NRG1: variants seen among roughly 807,000 people sequenced by gnomAD.
The protein encoded by NRG1 is pro-neuregulin-1, membrane-bound isoform.
In NRG1, 18 loss-of-function variants were observed where a neutral mutation model predicts 63.8. The ratio of observed to expected loss-of-function variants is 0.28; its 90% CI spans 0.19 to 0.42. NRG1 has a LOEUF of 0.42. Ranked by LOEUF, NRG1 falls within the 10% of genes least tolerant of loss-of-function variation. The pLI is 1.00. For missense variants in NRG1, 762 were observed against 814.7 expected, an observed-to-expected ratio of 0.94 and a Z score of 0.79; for synonymous variants, 302 against 301.3, an observed-to-expected ratio of 1.00 and a Z score of -0.02.
chr8:31,912,351 T>C (rs531753288), intron 1 of NRG1, among the ~76,000 whole-genome samples: 9 of 152,158 alleles, frequency 5.9e-5, no homozygotes, highest in African/African-American at 2.2e-4. Context: ...CCAGAAAAGA[T>C]GACAGCTAGC....
intron 1 of NRG1, among the ~76,000 whole-genome samples, chr8:31,883,862 C>G (rs569183362): frequency 6.6e-6 from 1 of 152,176 alleles, no homozygotes; most frequent in South Asian, 2.1e-4. Context: ...ACGGAATGGT[C>G]TCTTAATAGA....
chr8:31,767,340 G>A (rs1379529878), intron 1 of NRG1, among the ~76,000 whole-genome samples: 1 of 152,192 alleles, frequency 6.6e-6, no homozygotes, highest in African/African-American at 2.4e-5. Flanking sequence ...TTATCAGGTA[G>A]TCATTCTGAG....
chr8:32,469,623 T>C (rs1823516448), intron 1 of NRG1, among the ~76,000 whole-genome samples: 1 of 152,202 alleles, frequency 6.6e-6, no homozygotes, highest in Non-Finnish European at 1.5e-5. Context: ...ATAAAGTGTT[T>C]AGCAGAATGC....
chr8:32,382,890 A>C, intron 1 of NRG1, among the ~76,000 whole-genome samples: 1 of 152,076 alleles, frequency 6.6e-6, no homozygotes, highest in East Asian at 1.9e-4. Context: ...GGAATGAACT[A>C]CTTTTTATAT....
chr8:32,009,380 C>T (rs1814358605), intron 1 of NRG1, among the ~76,000 whole-genome samples: 1 of 152,018 alleles, frequency 6.6e-6, no homozygotes. Context: ...AGTCAGTCAA[C>T]ATTTGAGTGT....
chr8:32,157,603 A>C (rs1235429940), intron 1 of NRG1, among the ~76,000 whole-genome samples: 1 of 151,426 alleles, frequency 6.6e-6, no homozygotes, highest in African/African-American at 2.4e-5. Context: ...AGGTTGCAGT[A>C]AGCAGAGATT....
intron 1 of NRG1, among the ~76,000 whole-genome samples, chr8:32,274,059 G>A (rs1045612817): frequency 1.3e-5 from 2 of 152,078 alleles, no homozygotes; most frequent in Non-Finnish European, 2.9e-5. Context: ...CACATGGCTG[G>A]TGGAAAAAAA....
chr8:32,687,582 C>T (rs2128929076), intron 5 of NRG1, among the ~76,000 whole-genome samples: 1 of 152,284 alleles, frequency 6.6e-6, no homozygotes, highest in South Asian at 2.1e-4. Flanking sequence ...CCGTGCTCCT[C>T]CCAGGCAGGG....
intron 1 of NRG1, among the ~76,000 whole-genome samples, chr8:32,403,329 A>C (rs1405097142): frequency 6.6e-6 from 1 of 151,608 alleles, no homozygotes; most frequent in Admixed American, 6.6e-5. Flanking sequence ...AGAAAGAAAA[A>C]AGAAATGAGC....
At chr8:32,514,221 A>G (rs1210131754) in intron 1 of NRG1, among the ~76,000 whole-genome samples, 1 of 152,224 alleles carries the variant, frequency 6.6e-6, no homozygotes, top group African/African-American at 2.4e-5. Context: ...AATGCAAATT[A>G]GACAAACAAG....
At chr8:32,579,646 A>G (rs1840299439) in intron 1 of NRG1, among the ~76,000 whole-genome samples, 1 of 152,182 alleles carries the variant, frequency 6.6e-6, no homozygotes, top group Admixed American at 6.5e-5. Context: ...GGTCCTGTGT[A>G]TTAATTAATG....
chr8:32,032,249 C>CT (rs921465601), intron 1 of NRG1, among the ~76,000 whole-genome samples: 173 of 148,972 alleles, frequency 1.2e-3, no homozygotes, highest in Non-Finnish European at 1.3e-3. Flanking sequence ...TGAATGTCTT[C>CT]TTTTTTTTTT....
chr8:32,614,573 A>T lies in NRG1; in HGVS notation c.451+9A>T, dbSNP rs1043565814. On this transcript the variant is annotated intron_variant, in intron 4 of 11. Coordinates refer to ENST00000356819, the Ensembl canonical transcript of NRG1. ...AGCATATGTGTCTTCAGGTAAGGAA[A>T]ATAAGCCTGGCAAATTTTACTAACC... is the stretch of plus-strand genomic sequence containing the variant. 4.3e-6 allele frequency: 7 copies of T among 1,611,334 alleles called. No homozygotes were observed. In the Admixed American group the frequency reaches 8.4e-5, roughly 19 times the overall value.
At chr8:31,919,965 A>C (rs1563567440) in intron 1 of NRG1, among the ~76,000 whole-genome samples, 1 of 152,180 alleles carries the variant, frequency 6.6e-6, no homozygotes, top group East Asian at 1.9e-4. Context: ...AACTAAATGC[A>C]TCAACCCACA....
At chr8:32,092,848 G>A (rs1171357388) in intron 1 of NRG1, among the ~76,000 whole-genome samples, 1 of 152,120 alleles carries the variant, frequency 6.6e-6, no homozygotes, top group East Asian at 1.9e-4. Flanking sequence ...CTAGATGCAG[G>A]GAGTGAGGAT....
At chr8:32,671,521 G>A (rs1470686458) in intron 5 of NRG1, among the ~76,000 whole-genome samples, 3 of 152,118 alleles carry the variant, frequency 2.0e-5, no homozygotes, top group Non-Finnish European at 4.4e-5. Flanking sequence ...GTGGAATATA[G>A]ACATTTTCAT....
At chr8:32,040,750 C>CATATATGTATATATATATATATAT (rs1819864113) in intron 1 of NRG1, among the ~76,000 whole-genome samples, 1 of 48,684 alleles carries the variant, frequency 2.1e-5, no homozygotes, top group African/African-American at 6.1e-5. Flanking sequence ...AATTTAGGCG[C>CATATATGTATATATATATATATAT]ATATATATAT....
intron 1 of NRG1, among the ~76,000 whole-genome samples, chr8:31,976,342 T>C (rs1317426984): frequency 6.6e-6 from 1 of 152,140 alleles, no homozygotes; most frequent in African/African-American, 2.4e-5. Context: ...TTCATCTTTG[T>C]AGGTTTCTGA....
chr8:32,037,685 T>G (rs1819292755), intron 1 of NRG1, among the ~76,000 whole-genome samples: 1 of 152,078 alleles, frequency 6.6e-6, no homozygotes, highest in African/African-American at 2.4e-5. Flanking sequence ...AGGTTCTGCT[T>G]AAAGAAGCAG....
Sources: gnomAD v4.1 joint callset for allele counts (sites outside exome capture counted in the v4.1 genomes callset) on GRCh38, gnomAD v4.1.1 for gene constraint, MANE v1.5 for transcripts, NCBI Gene and HGNC (gene_info 2026-07-23, HGNC 2026-07-21) for gene names.